DIP2C: variants seen among roughly 807,000 people sequenced by gnomAD.
DIP2C encodes disco-interacting protein 2 homolog C.
In DIP2C, 33 loss-of-function variants were observed where a neutral mutation model predicts 192.4. The observed-to-expected ratio is 0.17, with a 90% confidence interval of 0.13 to 0.23. The LOEUF (loss-of-function observed/expected upper bound fraction) is 0.23. DIP2C is among the 10% of genes least tolerant of loss of function. The pLI, the probability that DIP2C is intolerant of heterozygous loss-of-function variation, is 1.00. For synonymous variants in DIP2C, 979 were observed against 864.1 expected, an observed-to-expected ratio of 1.13 and a Z score of -2.33; for missense variants, 1,537 against 2,110.1, an observed-to-expected ratio of 0.73 and a Z score of 5.32.
chr10:290,279 C>T (rs1351101679), intron 32 of DIP2C, among the ~76,000 whole-genome samples: 2 of 152,210 alleles, frequency 1.3e-5, no homozygotes, highest in Non-Finnish European at 1.5e-5. Flanking sequence ...CGGAACACGC[C>T]GATAGGCTTG....
intron 1 of DIP2C, among the ~76,000 whole-genome samples, chr10:610,865 T>G (rs1340748308): frequency 3.2e-5 from 4 of 126,242 alleles, no homozygotes; most frequent in Non-Finnish European, 6.5e-5. Context: ...CTCATGGGGG[T>G]GGTTTCTAAC....
chr10:625,495 AGGCTCCCCTAC>A (rs1854139570), intron 1 of DIP2C, among the ~76,000 whole-genome samples: 2 of 152,142 alleles, frequency 1.3e-5, no homozygotes, highest in South Asian at 2.1e-4. Flanking sequence ...GCCTTTCTGC[AGGCTCCCCTAC>A]GGGGAGCCTG....
chr10:297,917 T>C (rs1955837012), intron 32 of DIP2C, among the ~76,000 whole-genome samples: 1 of 152,210 alleles, frequency 6.6e-6, no homozygotes, highest in South Asian at 2.1e-4. Context: ...CAATTATGTG[T>C]TAATTTTATA....
In DIP2C at chr10:409,322, C is replaced by T. The variant is rs371491658; in HGVS notation, c.1058-305G>A. Among the ~76,000 whole-genome samples, 74 of 152,114 alleles carry T rather than the reference C, an allele frequency of 4.9e-4. 1 individual carries two copies. Among genetic ancestry groups the T allele is most frequent in the East Asian group, 3.5e-3 (18 of 5,172 alleles). On this transcript the variant is annotated intron_variant, in intron 8 of 36. Transcript: ENST00000280886. The stretch of plus-strand genomic sequence containing the variant: ...GTGATGTGGGGGTGGCGAGGGGGGG[C>T]GCGGACAGTGCACACACCGTCGTCA...
At chr10:348,989 C>A (rs1310749153) in intron 25 of DIP2C, among the ~76,000 whole-genome samples, 1 of 152,202 alleles carries the variant, frequency 6.6e-6, no homozygotes, top group Non-Finnish European at 1.5e-5. Flanking sequence ...TTAATGTCTA[C>A]ATCATTTTGC....
intron 29 of DIP2C, among the ~76,000 whole-genome samples, chr10:339,092 G>A (rs948341529): frequency 6.6e-6 from 1 of 151,850 alleles, no homozygotes; most frequent in African/African-American, 2.4e-5. Context: ...CACAGCCTGA[G>A]GTCGAGGCGT....
At chr10:412,651 G>A (rs1029898365) in intron 8 of DIP2C, among the ~76,000 whole-genome samples, 65 of 152,136 alleles carry the variant, frequency 4.3e-4, no homozygotes, top group African/African-American at 1.5e-3. Context: ...AGATGCACAG[G>A]TTGACAGCTG....
chr10:345,294 G>A, intron 26 of DIP2C, 184 bp from the exon 27 acceptor site: 1 of 703,566 alleles, frequency 1.4e-6, no homozygotes, highest in Non-Finnish European at 2.6e-6. Flanking sequence ...TGGAGGCACG[G>A]GGGCAGGGCA....
rs766532812 is a variant in DIP2C at position 315,795 on chromosome 10, C to A, written c.3925-5703G>T. Among the ~76,000 whole-genome samples the A allele has an allele frequency of 7.6e-4, 116 of 152,024 alleles. 1 individual carries two copies. Among genetic ancestry groups the A allele is most frequent in the Non-Finnish European group, 1.5e-3 (99 of 68,022 alleles). ...TCTCTCACCGCTCCTTCTGGGGCTC[C>A]GATCACTACAGGTATGTTAGACCCA... On this transcript the variant is annotated intron_variant, in intron 31 of 36. Coordinates refer to ENST00000280886, the MANE Select transcript of DIP2C (RefSeq NM_014974.3).
At chr10:472,035 C>T (rs970807448) in intron 3 of DIP2C, among the ~76,000 whole-genome samples, 2 of 152,114 alleles carry the variant, frequency 1.3e-5, no homozygotes, top group Non-Finnish European at 1.5e-5. Flanking sequence ...AGATGAAAGA[C>T]AGGAAACACA....
At chr10:672,232 A>C (rs1399885162) in intron 1 of DIP2C, among the ~76,000 whole-genome samples, 1 of 150,806 alleles carries the variant, frequency 6.6e-6, no homozygotes, top group East Asian at 2.0e-4. Flanking sequence ...CGGAAGAAAC[A>C]CCACAGATGC....
intron 1 of DIP2C, among the ~76,000 whole-genome samples, chr10:611,228 G>A (rs889800877): frequency 1.3e-5 from 2 of 152,122 alleles, no homozygotes; most frequent in South Asian, 2.1e-4. Flanking sequence ...ATGTAAAGAC[G>A]TGCCTGCCTC....
At chr10:426,727 G>A (rs976013219) in intron 4 of DIP2C, among the ~76,000 whole-genome samples, 12 of 152,076 alleles carry the variant, frequency 7.9e-5, no homozygotes, top group African/African-American at 2.4e-4. Flanking sequence ...TTTGACAAAC[G>A]TCTCAAGACA....
intron 29 of DIP2C, among the ~76,000 whole-genome samples, chr10:330,812 ATTT>A (rs56343363): frequency 6.0e-5 from 8 of 133,392 alleles, no homozygotes; most frequent in African/African-American, 1.4e-4. Context: ...AACCTACACA[ATTT>A]TTTTTTTTTT....
chr10:537,376 A>G (rs983772448), intron 1 of DIP2C, among the ~76,000 whole-genome samples: 5 of 152,198 alleles, frequency 3.3e-5, no homozygotes, highest in African/African-American at 1.2e-4. Context: ...AACTGTTTCT[A>G]AAATACCCAT....
chr10:578,299 G>C (rs1474174152), intron 1 of DIP2C, among the ~76,000 whole-genome samples: 1 of 152,200 alleles, frequency 6.6e-6, no homozygotes, highest in African/African-American at 2.4e-5. Flanking sequence ...ACACAAGGCA[G>C]TAAATACTCC....
chr10:312,332 T>C (rs1956601200), intron 31 of DIP2C, among the ~76,000 whole-genome samples: 1 of 152,224 alleles, frequency 6.6e-6, no homozygotes, highest in Admixed American at 6.5e-5. Context: ...GCAAGGTATT[T>C]TTCCCTATGT....
intron 1 of DIP2C, among the ~76,000 whole-genome samples, chr10:543,839 C>G (rs945924421): frequency 8.2e-4 from 125 of 152,238 alleles, no homozygotes; most frequent in Non-Finnish European, 2.1e-4. Flanking sequence ...CAACAATCAC[C>G]ACTAGTATTT....
chr10:596,894 G>A (rs1364748316), intron 1 of DIP2C, among the ~76,000 whole-genome samples: 2 of 152,262 alleles, frequency 1.3e-5, no homozygotes, highest in East Asian at 3.8e-4. Context: ...GGCGATGACT[G>A]AGCAATGCGC....
Sources: gnomAD v4.1 joint callset for allele counts (sites outside exome capture counted in the v4.1 genomes callset) on GRCh38, gnomAD v4.1.1 for gene constraint, MANE v1.5 for transcripts, NCBI Gene and HGNC (gene_info 2026-07-23, HGNC 2026-07-21) for gene names.